Variants in COG7 observed in about 807,000 individuals in gnomAD.
COG7 encodes the protein component of oligomeric golgi complex 7, also known as conserved oligomeric Golgi complex subunit 7.
COG7 carries 49 observed loss-of-function variants against 91.5 expected under a neutral mutation model. That is an observed-to-expected ratio of 0.54 (90% CI 0.43 to 0.68). The LOEUF is 0.68. Among genes scored for constraint, COG7 ranks in the 30% least tolerant of loss-of-function variants. The pLI, the probability that COG7 is intolerant of heterozygous loss-of-function variation, is 0.00. For missense variants in COG7, 895 were observed against 961.3 expected, an observed-to-expected ratio of 0.93 and a Z score of 0.91; for synonymous variants, 365 against 388.7, an observed-to-expected ratio of 0.94 and a Z score of 0.72.
At position 23,417,032 on chromosome 16, in the gene COG7, G is replaced by A. The variant is rs753240981; in HGVS notation, c.1227C>T (p.Cys409=). 2.5e-5 allele frequency: 40 copies of A among 1,614,102 alleles called. No homozygotes were observed. In the African/African-American group the frequency reaches 2.8e-4, roughly 11 times the overall value. ...FGLASAAVDR[C]VRFTNGLGTC... ...TCCCCAGGCCATTGGTGAATCTGACGCATCTGTCAACGGCTGCAGACGCCA... is the reference window on the plus strand; with the variant it reads ...TCCCCAGGCCATTGGTGAATCTGACACATCTGTCAACGGCTGCAGACGCCA... The change falls in exon 9 of 17, where the codon TGC becomes TGT. Residue 409 remains cysteine, a synonymous_variant. Coordinates refer to ENST00000307149, the MANE Select transcript of COG7 (RefSeq NM_153603.4).
intron 14 of COG7, among the ~76,000 whole-genome samples, chr16:23,395,151 A>AT (rs1963266302): frequency 6.6e-6 from 1 of 152,078 alleles, no homozygotes; most frequent in Non-Finnish European, 1.5e-5. Context: ...AAAATAAATC[A>AT]TTTTTTTCTT....
At chr16:23,434,837 T>A in intron 4 of COG7, 119 bp from the exon 5 acceptor site, 2 of 723,310 alleles carry the variant, frequency 2.8e-6, no homozygotes, top group South Asian at 3.0e-5. Context: ...CCTGCCTAGA[T>A]ACTGAATTAA....
chr16:23,403,419 T>C (rs577133817), intron 13 of COG7, among the ~76,000 whole-genome samples: 7 of 152,348 alleles, frequency 4.6e-5, no homozygotes, highest in African/African-American at 1.7e-4. Context: ...ATAATCTCTA[T>C]TACTTCTCTG....
At chr16:23,439,094 G>A (rs1331130693) in intron 4 of COG7, among the ~76,000 whole-genome samples, 1 of 148,588 alleles carries the variant, frequency 6.7e-6, no homozygotes, top group Non-Finnish European at 1.5e-5. Flanking sequence ...GGTGGCAGAG[G>A]TCACAGTGAG....
chr16:23,402,141 C>T (rs1188041685), intron 13 of COG7, among the ~76,000 whole-genome samples: 1 of 152,140 alleles, frequency 6.6e-6, no homozygotes, highest in Non-Finnish European at 1.5e-5. Context: ...TGGTTAAATT[C>T]AAATAAAATT....
intron 9 of COG7, 179 bp downstream of exon 9, chr16:23,416,788 G>A (rs563549596): frequency 1.4e-6 from 1 of 710,572 alleles, no homozygotes; most frequent in African/African-American, 1.8e-5. Context: ...CATTTACGTT[G>A]TTTCAAATGT....
At position 23,393,229 on chromosome 16, in the gene COG7, T is replaced by G; in HGVS notation, c.2002+4A>C. The G allele has an allele frequency of 6.2e-7, 1 of 1,609,812 alleles. No individual in the cohort carries two copies. The highest frequency in any genetic ancestry group is 8.5e-7 in the Non-Finnish European group (1 of 1,176,594). ...TAACATCGCCAGAAACGGTCCCCGC[T>G]TACCCTGCTCAGGAGGAAATGGCAG... is the stretch of plus-strand genomic sequence containing the variant. On this transcript the variant is annotated splice_donor_region_variant and intron_variant, in intron 15 of 16. Coordinates refer to ENST00000307149, the MANE Select transcript of COG7 (RefSeq NM_153603.4).
At position 23,392,001 on chromosome 16, in the gene COG7, G is replaced by A. The variant is rs779473711; in HGVS notation, c.2146+379C>T. 4.2e-4 allele frequency: 500 copies of A among 1,187,188 alleles called. 1 individual carries two copies. The highest frequency in any genetic ancestry group is 4.9e-4 in the Non-Finnish European group (464 of 942,912). 73.5% of individuals were successfully genotyped at this position (1,187,188 alleles called of 1,614,324 possible). On this transcript the variant is annotated intron_variant, in intron 16 of 16. Coordinates refer to ENST00000307149, the MANE Select transcript of COG7 (RefSeq NM_153603.4). ...TGGAATTACATAAGACGATGGGTGC[G>A]AGTGCTTGGTCCAGCGCCAGGCATG...
intron 6 of COG7, among the ~76,000 whole-genome samples, chr16:23,425,500 T>C (rs1429468474): frequency 2.1e-4 from 32 of 151,914 alleles, no homozygotes; most frequent in Admixed American, 2.1e-3. Context: ...TGATTAATTT[T>C]TTATTTTATT....
At chr16:23,424,984 G>A in intron 6 of COG7, 37 bp from the exon 7 acceptor site, 1 of 1,554,346 alleles carries the variant, frequency 6.4e-7, no homozygotes, top group Non-Finnish European at 8.8e-7. Flanking sequence ...CTTAGCACAT[G>A]GAGCCAAATA....
rs762150762 is a variant in COG7 at position 23,452,885 on chromosome 16, G to A, written c.110C>T (p.Ala37Val). ...EAASGKADGH[A>V]ATLVMKLQLF... Reference sequence around the variant, plus strand: ...CTGCAGCTTCATCACCAGGGTGGCTGCGTGGCCATCCGCCTTCCCGGACGC... The same window carrying A: ...CTGCAGCTTCATCACCAGGGTGGCTACGTGGCCATCCGCCTTCCCGGACGC... Residue 37 changes from alanine (A) to valine (V), a missense_variant, in exon 1 of 17, where the codon GCA becomes GTA. Coordinates refer to ENST00000307149, the MANE Select transcript of COG7 (RefSeq NM_153603.4). The A allele has an allele frequency of 3.7e-5, 59 of 1,614,032 alleles. No homozygotes were observed. The East Asian group carries it at 6.0e-4, about 16-fold the overall frequency.
intron 6 of COG7, among the ~76,000 whole-genome samples, chr16:23,431,379 T>G (rs1963931533): frequency 1.3e-5 from 2 of 152,186 alleles, no homozygotes; most frequent in Admixed American, 1.3e-4. Context: ...TCCCAAAATC[T>G]AGGATGAGGC....
intron 13 of COG7, among the ~76,000 whole-genome samples, chr16:23,400,705 C>A (rs762827900): frequency 4.1e-4 from 63 of 152,188 alleles, no homozygotes; most frequent in Admixed American, 1.0e-3. Flanking sequence ...TGCGGTGGCT[C>A]ATGCCTCTAA....
chr16:23,444,926 CCT>C, intron 3 of COG7, 120 bp downstream of exon 3: 1 of 812,306 alleles, frequency 1.2e-6, no homozygotes, highest in Non-Finnish European at 2.2e-6. Flanking sequence ...TCTTCCCCAC[CCT>C]GAGTCTGAAG....
intron 6 of COG7, 124 bp from the exon 7 acceptor site, chr16:23,425,071 A>T: frequency 2.5e-6 from 2 of 788,732 alleles, no homozygotes; most frequent in East Asian, 2.7e-5. Flanking sequence ...GCACCTTGGG[A>T]GGCCAAGGAA....
chr16:23,391,059 T>C (rs1416339792), intron 16 of COG7, among the ~76,000 whole-genome samples: 3 of 152,248 alleles, frequency 2.0e-5, no homozygotes, highest in African/African-American at 4.8e-5. Flanking sequence ...CCTTATACCC[T>C]GTCAGTTTCA....
chr16:23,438,916 G>A (rs1338356676), intron 4 of COG7, among the ~76,000 whole-genome samples: 2 of 151,966 alleles, frequency 1.3e-5, no homozygotes, highest in East Asian at 1.9e-4. Flanking sequence ...CCAGCACTTC[G>A]GAAGGCCAAG....
At position 23,452,864 on chromosome 16, in the gene COG7, A is replaced by G. The variant is rs1964288493; in HGVS notation, c.131T>C (p.Leu44Pro). ...GTTCACCTCTTGGATGAACAGCTGC[A>G]GCTTCATCACCAGGGTGGCTGCGTG... is the stretch of plus-strand genomic sequence containing the variant. ...DGHAATLVMK[L>P]QLFIQEVNHA... The change falls in exon 1 of 17, where the codon CTG (leucine) becomes CCG (proline). Residue 44 changes from leucine to proline, a missense_variant. Coordinates refer to ENST00000307149, the MANE Select transcript of COG7 (RefSeq NM_153603.4). 1 of 1,613,860 alleles carries G rather than the reference A, an allele frequency of 6.2e-7. No homozygotes were observed. Among genetic ancestry groups the G allele is most frequent in the Non-Finnish European group, 8.5e-7 (1 of 1,179,952 alleles).
chr16:23,395,997 G>A (rs964931133), intron 14 of COG7, among the ~76,000 whole-genome samples: 7 of 152,224 alleles, frequency 4.6e-5, no homozygotes, highest in Admixed American at 1.3e-4. Context: ...TGCTATGCAC[G>A]TAAAGCAGCT....
Sources: allele counts gnomAD v4.1 joint callset (sites outside exome capture counted in the v4.1 genomes callset), GRCh38; gene constraint gnomAD v4.1.1; transcripts MANE v1.5; gene names NCBI Gene and HGNC (gene_info 2026-07-23, HGNC 2026-07-21).